The following CADPS2 variants were observed in gnomAD, a reference collection of about 807,000 sequenced individuals.
CADPS2 encodes calcium-dependent secretion activator 2.
A neutral mutation model predicts 172.5 loss-of-function variants in CADPS2; 93 were observed. The observed-to-expected ratio is 0.54, with a 90% confidence interval of 0.46 to 0.64. The LOEUF (loss-of-function observed/expected upper bound fraction) is 0.64. Ranked by LOEUF, CADPS2 falls within the 30% of genes least tolerant of loss-of-function variation. The pLI is 0.00. For synonymous variants in CADPS2, 546 were observed against 555.2 expected (o/e 0.98, Z 0.23); for missense variants, 1,420 against 1,565.9 (o/e 0.91, Z 1.57).
chr7:122,656,619 C>A (rs2079830566), intron 3 of CADPS2, among the ~76,000 whole-genome samples: 1 of 152,106 alleles, frequency 6.6e-6, no homozygotes, highest in Non-Finnish European at 1.5e-5. Flanking sequence ...CTCCATCTCT[C>A]CAACACTTTA....
intron 8 of CADPS2, among the ~76,000 whole-genome samples, chr7:122,533,906 T>C (rs1312864947): frequency 1.3e-5 from 2 of 152,148 alleles, no homozygotes; most frequent in African/African-American, 2.4e-5. Context: ...AAATCAGGTG[T>C]TCAATTACAA....
intron 1 of CADPS2, among the ~76,000 whole-genome samples, chr7:122,786,569 T>C (rs1794084209): frequency 6.6e-6 from 1 of 152,212 alleles, no homozygotes; most frequent in Non-Finnish European, 1.5e-5. Flanking sequence ...GAGTGTGTTG[T>C]AGCCATTGGT....
intron 1 of CADPS2, among the ~76,000 whole-genome samples, chr7:122,881,301 A>G (rs959001751): frequency 6.6e-6 from 1 of 152,188 alleles, no homozygotes; most frequent in East Asian, 1.9e-4. Context: ...TCATTTTTGA[A>G]GGAAAGAAGC....
intron 19 of CADPS2, 64 bp downstream of exon 19, chr7:122,414,004 T>C: frequency 7.5e-7 from 1 of 1,334,666 alleles, no homozygotes. Context: ...GAGTAGATTG[T>C]ATTTTAAATT....
intron 20 of CADPS2, among the ~76,000 whole-genome samples, chr7:122,406,377 A>C (rs1029176338): frequency 2.0e-5 from 3 of 152,216 alleles, no homozygotes; most frequent in Admixed American, 6.5e-5. Flanking sequence ...AACATATAAA[A>C]CGTTCTAAAT....
At chr7:122,484,615 C>T (rs1038330390) in intron 11 of CADPS2, among the ~76,000 whole-genome samples, 1 of 149,290 alleles carries the variant, frequency 6.7e-6, no homozygotes, top group African/African-American at 2.5e-5. Flanking sequence ...ACATCAAAAG[C>T]ACAACTATGA....
intron 2 of CADPS2, among the ~76,000 whole-genome samples, chr7:122,680,028 C>CTATG (rs1447690003): frequency 6.6e-6 from 1 of 152,178 alleles, no homozygotes; most frequent in Non-Finnish European, 1.5e-5. Flanking sequence ...GACAGCCAGC[C>CTATG]TATGAGGCTA....
chr7:122,732,828 A>AT (rs1354543674), intron 2 of CADPS2, among the ~76,000 whole-genome samples: 11 of 140,178 alleles, frequency 7.8e-5, no homozygotes, highest in Admixed American at 5.1e-4. Flanking sequence ...TATATTATAT[A>AT]TAATATACAT....
intron 9 of CADPS2, among the ~76,000 whole-genome samples, chr7:122,500,809 A>G (rs900650035): frequency 1.3e-5 from 2 of 152,206 alleles, no homozygotes; most frequent in African/African-American, 4.8e-5. Context: ...TATCTGACTT[A>G]TGTAAGTGGC....
intron 4 of CADPS2, among the ~76,000 whole-genome samples, chr7:122,625,544 C>A (rs748380887): frequency 2.2e-4 from 33 of 152,076 alleles, no homozygotes; most frequent in Non-Finnish European, 4.0e-4. Context: ...TGACCAAAGG[C>A]GAAGGTTTCC....
chr7:122,528,188 A>G (rs1322512647), intron 8 of CADPS2, among the ~76,000 whole-genome samples: 1 of 151,674 alleles, frequency 6.6e-6, no homozygotes, highest in Non-Finnish European at 1.5e-5. Flanking sequence ...TTTCAACTTA[A>G]CTTGTTTGAA....
chr7:122,649,037 G>C (rs1351845919), intron 3 of CADPS2, among the ~76,000 whole-genome samples: 1 of 151,796 alleles, frequency 6.6e-6, no homozygotes, highest in African/African-American at 2.4e-5. Context: ...CCCTCAATTT[G>C]TTCCAGTCAT....
At chr7:122,704,760 T>G (rs1451386384) in intron 2 of CADPS2, among the ~76,000 whole-genome samples, 2 of 152,024 alleles carry the variant, frequency 1.3e-5, no homozygotes, top group Non-Finnish European at 2.9e-5. Flanking sequence ...ATCATCTATC[T>G]CTTAAAAAGT....
intron 6 of CADPS2, among the ~76,000 whole-genome samples, chr7:122,608,101 C>T (rs1295829814): frequency 6.6e-6 from 1 of 151,796 alleles, no homozygotes; most frequent in Non-Finnish European, 1.5e-5. Context: ...TCTGTAGTCC[C>T]AGCTACTCAA....
At chr7:122,523,066 GTTTC>G (rs1295797491) in intron 8 of CADPS2, among the ~76,000 whole-genome samples, 1 of 152,022 alleles carries the variant, frequency 6.6e-6, no homozygotes, top group Non-Finnish European at 1.5e-5. Flanking sequence ...ACTGATTTCT[GTTTC>G]TTTTTTAATA....
chr7:122,562,386 G>T (rs2065887232), intron 7 of CADPS2, among the ~76,000 whole-genome samples: 1 of 152,146 alleles, frequency 6.6e-6, no homozygotes, highest in Non-Finnish European at 1.5e-5. Flanking sequence ...CATAATTGAA[G>T]AGAGAAACAA....
rs187962065 is a variant in CADPS2, at chr7:122,504,936, C to T, written c.1542+8313G>A. ...GATGAAGATGTTTGGTGGAAGAATA[C>T]GTAAATTTATAAGAAACTGAGAAAG... is the stretch of plus-strand genomic sequence containing the variant. On this transcript the variant is annotated intron_variant, in intron 9 of 29. Coordinates refer to ENST00000449022, the MANE Select transcript of CADPS2 (RefSeq NM_017954.11). Among the ~76,000 whole-genome samples the T allele has an allele frequency of 4.6e-5, 7 of 152,150 alleles. No homozygotes were observed. The East Asian group carries it at 5.8e-4, about 13-fold the overall frequency.
Position 122,600,990 on chromosome 7 carries a change from C to A in CADPS2, c.1223+14191G>T, listed in dbSNP as rs2072676924. ...TACTGATTTTAACAAAAATAATGCA[C>A]CACTTTAGAAACACAATTTTTTAAA... is the stretch of plus-strand genomic sequence containing the variant. On this transcript the variant is annotated intron_variant, in intron 6 of 29. Transcript: ENST00000449022. Among the ~76,000 whole-genome samples the A allele has an allele frequency of 4.6e-5, 7 of 152,126 alleles. No individual in the cohort carries two copies. The South Asian group carries it at 1.5e-3, about 32-fold the overall frequency.
intron 7 of CADPS2, among the ~76,000 whole-genome samples, chr7:122,578,937 A>G (rs1426877985): frequency 6.6e-6 from 1 of 152,086 alleles, no homozygotes; most frequent in Non-Finnish European, 1.5e-5. Context: ...AAAAGGGGAA[A>G]CAAGGGAGAT....
Sources: gnomAD v4.1 joint callset for allele counts (sites outside exome capture counted in the v4.1 genomes callset) on GRCh38, gnomAD v4.1.1 for gene constraint, MANE v1.5 for transcripts, NCBI Gene and HGNC (gene_info 2026-07-23, HGNC 2026-07-21) for gene names.